The following CFAP92 variants were observed in gnomAD, a reference collection of about 807,000 sequenced individuals.
CFAP92 encodes cilia and flagella associated protein 92 (putative), also known as uncharacterized protein CFAP92.
In CFAP92, 86 loss-of-function variants were observed where a neutral mutation model predicts 106.3. The ratio of observed to expected loss-of-function variants is 0.81; its 90% CI spans 0.68 to 0.97. The LOEUF (loss-of-function observed/expected upper bound fraction) is 0.97. Among genes scored for constraint, CFAP92 ranks in the 50% least tolerant of loss-of-function variants. CFAP92 has a pLI of 0.00. For missense variants in CFAP92, 1,204 were observed against 1,283.8 expected (o/e 0.94, Z 0.95); for synonymous variants, 477 against 506.4 (o/e 0.94, Z 0.78).
rs1194057253 is a variant in CFAP92, at chr3:128,915,482, T to G, written c.2998A>C (p.Lys1000Gln). ...EPLDLKEEEKKAQKKSRQAWL... is the reference protein window; with the variant it reads ...EPLDLKEEEKQAQKKSRQAWL... ...GCCTGGCGGGATTTCTTCTGGGCTT[T>G]CTTCTCCTCTTCCTTCAAGTCCAGG... The change falls in exon 14 of 16, where the codon AAA becomes CAA. Residue 1000 changes from lysine (K) to glutamine (Q), a missense_variant. Physicochemically the swap from Lys to Gln is moderately conservative, Grantham distance 53. Transcript: ENST00000645291. 1.6e-5 allele frequency: 25 copies of G among 1,536,042 alleles called. No individual in the cohort carries two copies. Among genetic ancestry groups the G allele is most frequent in the Non-Finnish European group, 1.7e-6 (2 of 1,146,924 alleles).
intron 9 of CFAP92, among the ~76,000 whole-genome samples, chr3:128,961,810 G>A (rs1941945404): frequency 6.6e-6 from 1 of 152,104 alleles, no homozygotes; most frequent in Non-Finnish European, 1.5e-5. Flanking sequence ...CCCCACAACA[G>A]GATTGAATTA....
At chr3:128,971,582 C>G in intron 7 of CFAP92, 149 bp from the exon 8 acceptor site, 1 of 673,232 alleles carries the variant, frequency 1.5e-6, no homozygotes, top group Non-Finnish European at 2.5e-6. Flanking sequence ...CTCTTCCCAG[C>G]AACCAGAAGT....
chr3:129,009,371 C>G, the CFAP92 span, among the ~76,000 whole-genome samples: 1 of 152,314 alleles, frequency 6.6e-6, no homozygotes, highest in Admixed American at 6.5e-5. Flanking sequence ...GCTTTACTCT[C>G]TGGCAAATTC....
chr3:128,944,052 C>T (rs949706341), intron 10 of CFAP92, among the ~76,000 whole-genome samples: 4 of 151,608 alleles, frequency 2.6e-5, no homozygotes, highest in Non-Finnish European at 5.9e-5. Flanking sequence ...ACCTTGGCCA[C>T]CCAAGTAGCT....
At chr3:129,014,807 C>T in the CFAP92 span, among the ~76,000 whole-genome samples, 14 of 152,138 alleles carry the variant, frequency 9.2e-5, no homozygotes, top group Non-Finnish European at 1.6e-4. The surrounding 1 kb of genome is among the most constrained non-coding windows in gnomAD (Gnocchi z 4.3). Context: ...ACTGCCTGCA[C>T]GGGGACGAGC....
chr3:129,019,273 C>T, the CFAP92 span, among the ~76,000 whole-genome samples: 1 of 152,198 alleles, frequency 6.6e-6, no homozygotes, highest in Non-Finnish European at 1.5e-5. Flanking sequence ...TTTAGGTGTT[C>T]AGTCCACCTG....
chr3:128,938,104 G>C (rs1939234704), intron 10 of CFAP92, among the ~76,000 whole-genome samples: 1 of 151,096 alleles, frequency 6.6e-6, no homozygotes, highest in South Asian at 2.1e-4. Context: ...GGTGGCACAT[G>C]CTTGTCGGTC....
chr3:128,991,729 A>G (rs1559939599), intron 2 of CFAP92: 2 of 1,018,984 alleles, frequency 2.0e-6, no homozygotes, highest in East Asian at 1.0e-4. Context: ...GTTGCTCCAC[A>G]CCGCCTCGTG....
chr3:128,910,063 A>T lies in CFAP92; in HGVS notation c.*236T>A, dbSNP rs1417781910. 3 of 1,613,980 alleles carry T rather than the reference A, an allele frequency of 1.9e-6. No homozygotes were observed. Among genetic ancestry groups the T allele is most frequent in the Non-Finnish European group, 1.7e-6 (2 of 1,180,010 alleles). ...GCTGGTACTGAAGCGGGTGGCCAAC[A>T]TCCTCATCAACCTGTATGGCATGAC... On this transcript the variant is annotated 3_prime_UTR_variant, in exon 16 of 16. Transcript: ENST00000645291.
intron 12 of CFAP92, among the ~76,000 whole-genome samples, chr3:128,931,624 T>G (rs182733465): frequency 1.3e-5 from 2 of 151,502 alleles, no homozygotes; most frequent in African/African-American, 4.8e-5. Context: ...TTTTAAAGTA[T>G]CATAAAAATA....
chr3:128,981,653 T>C (rs1943545021), intron 4 of CFAP92, among the ~76,000 whole-genome samples: 1 of 152,228 alleles, frequency 6.6e-6, no homozygotes, highest in Non-Finnish European at 1.5e-5. Context: ...TTCAATTTAC[T>C]TGGCCCATAT....
chr3:129,003,771 C>A, upstream of CFAP92: 2 of 1,398,434 alleles, frequency 1.4e-6, no homozygotes, highest in Non-Finnish European at 1.9e-6. Context: ...TTACCCCCTG[C>A]CCCTGCTGCC....
rs757533284 is a variant in CFAP92, at chr3:128,988,934, T to C, written c.263-16A>G. The C allele has an allele frequency of 1.3e-6, 2 of 1,598,600 alleles. No homozygotes were observed. Among genetic ancestry groups the C allele is most frequent in the Non-Finnish European group, 8.6e-7 (1 of 1,168,738 alleles). On this transcript the variant is annotated splice_polypyrimidine_tract_variant and intron_variant, in intron 2 of 15. Coordinates refer to ENST00000645291, the MANE Select transcript of CFAP92 (RefSeq NM_001394090.1). ...CCCTTCTGACCTTGAAGATACAGAT[T>C]GAAAAAGTCTCGTTTTAACCTCATG...
intron 7 of CFAP92, among the ~76,000 whole-genome samples, chr3:128,971,664 G>A (rs1271140266): frequency 1.3e-5 from 2 of 152,248 alleles, no homozygotes; most frequent in African/African-American, 2.4e-5. Context: ...CTCATTCCCC[G>A]CCTCTGCTAA....
At chr3:128,912,078 G>C (rs1318610248) in intron 15 of CFAP92, among the ~76,000 whole-genome samples, 1 of 152,244 alleles carries the variant, frequency 6.6e-6, no homozygotes, top group African/African-American at 2.4e-5. Flanking sequence ...CAAGTGATGG[G>C]TGTAGGCGCC....
At chr3:128,926,971 G>A (rs935612251) in intron 12 of CFAP92, among the ~76,000 whole-genome samples, 4 of 152,072 alleles carry the variant, frequency 2.6e-5, no homozygotes, top group African/African-American at 7.2e-5. Flanking sequence ...GCGCATGCTT[G>A]TAGTCCCAGC....
rs560460823 is a variant in CFAP92 at position 128,944,330 on chromosome 3, T to C, written c.2258+741A>G. 5.9e-5 allele frequency among the ~76,000 whole-genome samples: 9 copies of C among 152,268 alleles called. No individual in the cohort carries two copies. The East Asian group carries it at 9.7e-4, about 16-fold the overall frequency. On this transcript the variant is annotated intron_variant, in intron 10 of 15. Coordinates refer to ENST00000645291, the MANE Select transcript of CFAP92 (RefSeq NM_001394090.1). ...GTTTTCACTTCTCCTGGGCTTATAATAGATACAAGGCCAGCTTCTCCCGGT... is the reference window on the plus strand; with the variant it reads ...GTTTTCACTTCTCCTGGGCTTATAACAGATACAAGGCCAGCTTCTCCCGGT...
chr3:128,988,890 A>G lies in CFAP92; in HGVS notation c.291T>C (p.Ile97=), dbSNP rs1311845070. The part of the protein sequence containing the change: ...MGQKGKYASL[I]EKYKKHPKTD... The stretch of plus-strand genomic sequence containing the variant: ...TTTTAGGGTGTTTCTTATATTTTTC[A>G]ATCAAACTTGCATATTTTCCCTTCT... The change falls in exon 3 of 16, where the codon ATT becomes ATC. Residue 97 remains isoleucine (I), a synonymous_variant. Coordinates refer to ENST00000645291, the MANE Select transcript of CFAP92 (RefSeq NM_001394090.1). 1 of 1,613,544 alleles carries G rather than the reference A, an allele frequency of 6.2e-7. No homozygotes were observed. The highest frequency in any genetic ancestry group is 1.7e-5 in the Admixed American group (1 of 59,976).
At position 128,911,970 on chromosome 3, in the gene CFAP92, C is replaced by G. The variant is rs893026085; in HGVS notation, c.3281-1637G>C. ...TCTTCCTCTTCTATAGCCACTCGAC[C>G]ATATCTAGGAATGCCCAGCTCAGTC... On this transcript the variant is annotated intron_variant, in intron 15 of 15. Transcript: ENST00000645291. 4.4e-4 allele frequency among the ~76,000 whole-genome samples: 67 copies of G among 152,228 alleles called. 1 individual carries two copies. Among genetic ancestry groups the G allele is most frequent in the Non-Finnish European group, 3.4e-4 (23 of 68,038 alleles).
Sources: gnomAD v4.1 joint callset for allele counts (sites outside exome capture counted in the v4.1 genomes callset) on GRCh38, gnomAD v4.1.1 for gene constraint, Gnocchi (gnomAD v3.1) non-coding constraint, MANE v1.5 for transcripts, NCBI Gene and HGNC (gene_info 2026-07-23, HGNC 2026-07-21) for gene names.